The following FAM13A variants were observed in gnomAD, a reference collection of about 807,000 sequenced individuals.
FAM13A encodes the protein protein FAM13A.
Under a neutral mutation model 129.6 loss-of-function variants are expected in FAM13A, and 76 were observed. The ratio of observed to expected loss-of-function variants is 0.59; its 90% CI spans 0.49 to 0.71. The LOEUF (loss-of-function observed/expected upper bound fraction) is 0.71, where lower values mean the gene tolerates loss of function less well. Ranked by LOEUF, FAM13A falls within the 30% of genes least tolerant of loss-of-function variation. FAM13A has a pLI of 0.00. For missense variants in FAM13A, 1,108 were observed against 1,249.3 expected (o/e 0.89, Z 1.70); for synonymous variants, 443 against 449.9 (o/e 0.98, Z 0.20).
chr4:88,963,778 A>C (rs574858445), intron 4 of FAM13A, among the ~76,000 whole-genome samples: 2 of 152,302 alleles, frequency 1.3e-5, no homozygotes, highest in East Asian at 3.9e-4. Context: ...AAAACTTATA[A>C]ATAATATGGT....
At chr4:88,893,720 C>T (rs984358336) in intron 6 of FAM13A, among the ~76,000 whole-genome samples, 1 of 149,746 alleles carries the variant, frequency 6.7e-6, no homozygotes, top group Non-Finnish European at 1.5e-5. Context: ...GCTAGCTACT[C>T]GGGAGGGTGA....
chr4:88,967,146 A>G (rs577460379), intron 4 of FAM13A, among the ~76,000 whole-genome samples: 45 of 152,354 alleles, frequency 3.0e-4, no homozygotes, highest in Non-Finnish European at 5.0e-4. Context: ...ATTTCTTTAG[A>G]ACAGTACCTG....
intron 6 of FAM13A, among the ~76,000 whole-genome samples, chr4:88,905,031 C>T (rs1452329495): frequency 1.3e-5 from 2 of 152,020 alleles, no homozygotes; most frequent in African/African-American, 4.8e-5. Flanking sequence ...ACTTTACGCC[C>T]AGAAGGGAAA....
At chr4:89,045,350 T>A (rs1770714041) in intron 1 of FAM13A, among the ~76,000 whole-genome samples, 1 of 152,058 alleles carries the variant, frequency 6.6e-6, no homozygotes, top group Admixed American at 6.6e-5. Flanking sequence ...AATGAAACAT[T>A]TTTAGAAATC....
intron 7 of FAM13A, among the ~76,000 whole-genome samples, chr4:88,833,770 C>T (rs1734315989): frequency 6.6e-6 from 1 of 152,028 alleles, no homozygotes; most frequent in Non-Finnish European, 1.5e-5. Flanking sequence ...CCTGTAATCC[C>T]AGCTACTCGG....
intron 6 of FAM13A, among the ~76,000 whole-genome samples, chr4:88,876,753 A>G (rs1189139877): frequency 3.9e-5 from 6 of 151,954 alleles, no homozygotes; most frequent in Non-Finnish European, 7.4e-5. Flanking sequence ...CACCACGCCC[A>G]GCTAATTTTT....
Position 88,728,314 on chromosome 4 carries a change from C to T in FAM13A, c.*219G>A. The T allele has an allele frequency of 1.7e-6, 1 of 593,570 alleles. No individual in the cohort carries two copies. Among genetic ancestry groups the T allele is most frequent in the Non-Finnish European group, 3.0e-6 (1 of 335,600 alleles). 36.8% of individuals were successfully genotyped at this position (593,570 alleles called of 1,614,324 possible). Reference sequence around the variant, plus strand: ...GCATGTGCACATACTGCAGTCTTGACTTTCCAATTACAAAATGCCTAAGTC... The same window carrying T: ...GCATGTGCACATACTGCAGTCTTGATTTTCCAATTACAAAATGCCTAAGTC... On this transcript the variant is annotated 3_prime_UTR_variant, in exon 24 of 24. Coordinates refer to ENST00000264344, the MANE Select transcript of FAM13A (RefSeq NM_014883.4).
chr4:88,864,262 A>G (rs777962637), intron 6 of FAM13A, among the ~76,000 whole-genome samples: 1 of 152,228 alleles, frequency 6.6e-6, no homozygotes, highest in Non-Finnish European at 1.5e-5. Context: ...GATTCCAAAG[A>G]GTCATTTACA....
chr4:88,733,384 G>A (rs1252696868), intron 21 of FAM13A, among the ~76,000 whole-genome samples: 2 of 152,242 alleles, frequency 1.3e-5, no homozygotes, highest in Non-Finnish European at 2.9e-5. Context: ...TCTCAGCTGT[G>A]ACTTCAGACC....
intron 6 of FAM13A, among the ~76,000 whole-genome samples, chr4:88,865,521 C>A (rs1740232975): frequency 6.6e-6 from 1 of 152,104 alleles, no homozygotes; most frequent in South Asian, 2.1e-4. Context: ...AGTTTTAGTG[C>A]CTAGTAACGG....
chr4:89,023,521 CA>C (rs1767558234), intron 2 of FAM13A, among the ~76,000 whole-genome samples: 1 of 151,858 alleles, frequency 6.6e-6, no homozygotes, highest in African/African-American at 2.4e-5. Flanking sequence ...ATACTTCCAG[CA>C]ATTTCAGAAA....
intron 4 of FAM13A, among the ~76,000 whole-genome samples, chr4:88,981,852 A>C (rs1447584016): frequency 2.6e-5 from 4 of 152,180 alleles, no homozygotes; most frequent in African/African-American, 4.8e-5. Flanking sequence ...AAAAAAGTCC[A>C]TGTCTCTTCC....
At chr4:88,789,610 A>C (rs1724697463) in intron 9 of FAM13A, among the ~76,000 whole-genome samples, 1 of 152,192 alleles carries the variant, frequency 6.6e-6, no homozygotes, top group Non-Finnish European at 1.5e-5. Flanking sequence ...GAACTTCTCT[A>C]GGCAGTAGGG....
intron 7 of FAM13A, among the ~76,000 whole-genome samples, chr4:88,845,851 T>C (rs1428640192): frequency 6.6e-6 from 1 of 152,174 alleles, no homozygotes; most frequent in East Asian, 1.9e-4. Flanking sequence ...ACTTTTAGAA[T>C]AGAACAACTC....
intron 4 of FAM13A, among the ~76,000 whole-genome samples, chr4:88,953,657 C>T (rs1478473976): frequency 6.6e-6 from 1 of 152,168 alleles, no homozygotes; most frequent in African/African-American, 2.4e-5. Context: ...CCCAGCTCCT[C>T]ATAACCACTA....
At chr4:88,870,111 A>T (rs1579041424) in intron 6 of FAM13A, among the ~76,000 whole-genome samples, 1 of 122,856 alleles carries the variant, frequency 8.1e-6, no homozygotes, top group African/African-American at 3.6e-5. Flanking sequence ...GTAACTAAAC[A>T]TTTCTGTTGT....
chr4:88,866,704 T>G (rs1740521771), intron 6 of FAM13A, among the ~76,000 whole-genome samples: 1 of 152,152 alleles, frequency 6.6e-6, no homozygotes. Flanking sequence ...GGTAAATATT[T>G]AAGGTTGATA....
chr4:88,818,940 T>C (rs1303058214), intron 7 of FAM13A, among the ~76,000 whole-genome samples: 5 of 152,228 alleles, frequency 3.3e-5, no homozygotes, highest in African/African-American at 1.2e-4. Flanking sequence ...CCCCATGTTA[T>C]CAACGTTTAC....
intron 1 of FAM13A, among the ~76,000 whole-genome samples, chr4:89,044,169 AT>A (rs1770535632): frequency 1.3e-5 from 2 of 152,184 alleles, no homozygotes; most frequent in Admixed American, 1.3e-4. Context: ...AGGGGAAAAT[AT>A]TTGCAATTCA....
Sources: allele counts gnomAD v4.1 joint callset (sites outside exome capture counted in the v4.1 genomes callset), GRCh38; gene constraint gnomAD v4.1.1; transcripts MANE v1.5; gene names NCBI Gene and HGNC (gene_info 2026-07-23, HGNC 2026-07-21).